Variants in ZNF470 observed in about 807,000 individuals in gnomAD.
ZNF470 encodes chondrogenesis zinc finger protein 1.
ZNF470 carries 13 observed loss-of-function variants against 13.9 expected under a neutral mutation model. That is an observed-to-expected ratio of 0.94 (90% CI 0.61 to 1.49). The LOEUF (loss-of-function observed/expected upper bound fraction) is 1.49. ZNF470 is among the 40% of genes most tolerant of loss of function. The pLI is 0.00. For missense variants in ZNF470, 929 were observed against 857.3 expected (o/e 1.08, Z -1.04); for synonymous variants, 293 against 282.9 (o/e 1.04, Z -0.36).
chr19:56,577,302 A>C lies in ZNF470; in HGVS notation c.873A>C (p.Lys291Asn). ...CTTTTGAATGTACTGAATGTGGGAA[A>C]GCCTTCAGCCAGAATGCTCATCTTG... The part of the protein sequence containing the change: ...EKPFECTECG[K>N]AFSQNAHLVQ... The change falls in exon 6 of 6, where the codon AAA (lysine) becomes AAC (asparagine). Residue 291 changes from lysine (K) to asparagine (N), a missense_variant. Physicochemically the swap from Lys to Asn is moderately conservative, Grantham distance 94 (BLOSUM62 0). Transcript: ENST00000330619. 2 of 1,613,804 alleles carry C rather than the reference A, an allele frequency of 1.2e-6. No individual in the cohort carries two copies. The highest frequency in any genetic ancestry group is 1.7e-6 in the Non-Finnish European group (2 of 1,179,844).
intron 5 of ZNF470, among the ~76,000 whole-genome samples, chr19:56,575,850 A>G (rs2044484921): frequency 6.6e-6 from 1 of 152,146 alleles, no homozygotes; most frequent in African/African-American, 2.4e-5. Flanking sequence ...AATAAGAAAT[A>G]ATGAAAATCA....
At chr19:56,576,418 C>T (rs758168172) in intron 5 of ZNF470, among the ~76,000 whole-genome samples, 22 of 152,060 alleles carry the variant, frequency 1.4e-4, no homozygotes, top group Admixed American at 2.6e-4. Context: ...ACAGCATATC[C>T]GATGATACCA....
chr19:56,567,723 G>C lies in ZNF470; in HGVS notation c.-474G>C, dbSNP rs144338646. 17,372 of 988,304 alleles carry C rather than the reference G, an allele frequency of 0.018. 165 individuals are homozygous for C. The highest frequency in any genetic ancestry group is 0.019 in the Non-Finnish European group (16,177 of 832,222). The allele number at this position is 988,304 out of a possible 1,614,324, so 61.2% of individuals were successfully genotyped here. A position where few individuals can be genotyped will look rare whatever the true frequency, so the allele number is the denominator to read the frequency against. On this transcript the variant is annotated 5_prime_UTR_variant, in exon 1 of 6. Coordinates refer to ENST00000330619, the MANE Select transcript of ZNF470 (RefSeq NM_001001668.4). The stretch of plus-strand genomic sequence containing the variant: ...ATGGCGGCCCGGTGTGTGACTGTCC[G>C]GTGCGTGGCCGCGAATCTGCGCCTG...
In ZNF470 at chr19:56,578,531, G is replaced by C. The variant is rs371732087; in HGVS notation, c.2102G>C (p.Gly701Ala). Residue 701 changes from glycine to alanine, a missense_variant, in exon 6 of 6, where the codon GGA (glycine) becomes GCA (alanine). Coordinates refer to ENST00000330619, the MANE Select transcript of ZNF470 (RefSeq NM_001001668.4). ...GCTCATCATCAGCGAATTCATACCG[G>C]AGAGTCATCAGTTATTCTCTCCTCT... is the stretch of plus-strand genomic sequence containing the variant. Reference protein sequence around the residue: ...HLAHHQRIHTGESSVILSSAL... With the variant: ...HLAHHQRIHTAESSVILSSAL... 3.1e-6 allele frequency: 5 copies of C among 1,590,918 alleles called. No individual in the cohort carries two copies. Among genetic ancestry groups the C allele is most frequent in the Non-Finnish European group, 1.7e-6 (2 of 1,168,698 alleles).
At position 56,578,559 on chromosome 19, in the gene ZNF470, C is replaced by T. The variant is rs2044511595; in HGVS notation, c.2130C>T (p.Ala710=). 2 of 1,552,444 alleles carry T rather than the reference C, an allele frequency of 1.3e-6. No individual in the cohort carries two copies. Among genetic ancestry groups the T allele is most frequent in the South Asian group, 2.5e-5 (2 of 81,150 alleles). The part of the protein sequence containing the change: ...TGESSVILSS[A]LPYHQVL ...AGTCATCAGTTATTCTCTCCTCTGC[C>T]CTCCCATACCACCAAGTCCTATAGA... The change falls in exon 6 of 6, where the codon GCC becomes GCT. Residue 710 remains alanine (A), a synonymous_variant. Transcript: ENST00000330619.
chr19:56,572,020 C>G (rs1241641567), intron 3 of ZNF470, among the ~76,000 whole-genome samples: 2 of 151,742 alleles, frequency 1.3e-5, no homozygotes, highest in African/African-American at 2.4e-5. Flanking sequence ...TAACTTGTTT[C>G]TTAGCGCATT....
Position 56,579,876 on chromosome 19 carries a change from A to G in ZNF470, c.*1293A>G, listed in dbSNP as rs1480672531. 1 of 500,080 alleles carries G rather than the reference A, an allele frequency of 2.0e-6. No homozygotes were observed. Among genetic ancestry groups the G allele is most frequent in the Admixed American group, 6.4e-5 (1 of 15,664 alleles). The allele number at this position is 500,080 out of a possible 1,614,324, so 31.0% of individuals were successfully genotyped here. ...TTTAGTTGAGAAGCTGATTCTGATC[A>G]TCTGTAGAATTTTGATTTTAACGAG... On this transcript the variant is annotated 3_prime_UTR_variant, in exon 6 of 6. Coordinates refer to ENST00000330619, the MANE Select transcript of ZNF470 (RefSeq NM_001001668.4).
In ZNF470 at chr19:56,578,248, T is replaced by A. The variant is rs764698073; in HGVS notation, c.1819T>A (p.Ser607Thr). ...TGGGAAGGCATTCAGGCAGAGGGCATCCTTGATTTGTCATCAGAGATGTCA... is the reference window on the plus strand; with the variant it reads ...TGGGAAGGCATTCAGGCAGAGGGCAACCTTGATTTGTCATCAGAGATGTCA... ...ECGKAFRQRA[S>T]LICHQRCHTG... Residue 607 changes from serine to threonine, a missense_variant, in exon 6 of 6, where the codon TCC (serine) becomes ACC (threonine). Transcript: ENST00000330619. 3 of 1,613,696 alleles carry A rather than the reference T, an allele frequency of 1.9e-6. No individual in the cohort carries two copies. The South Asian group carries it at 3.3e-5, about 18-fold the overall frequency.
At chr19:56,571,495 C>A (rs1463246998) in intron 3 of ZNF470, among the ~76,000 whole-genome samples, 1 of 152,156 alleles carries the variant, frequency 6.6e-6, no homozygotes, top group East Asian at 1.9e-4. Flanking sequence ...TTAAGATAAA[C>A]TGTTAATCTA....
At chr19:56,570,196 C>A in intron 2 of ZNF470, 84 bp from the exon 3 acceptor site, 1 of 931,484 alleles carries the variant, frequency 1.1e-6, no homozygotes, top group Non-Finnish European at 1.7e-6. Context: ...TGAGTGAGGA[C>A]AGAAGAAGCT....
At position 56,581,583 on chromosome 19, in the gene ZNF470, T is replaced by G. The variant is rs772778925; in HGVS notation, c.*3000T>G. Reference sequence around the variant, plus strand: ...TGCAGCTGTTGAAAAAAAATCAATGTGTGTAGTCATAGAAAGATAGCTGTG... The same window carrying G: ...TGCAGCTGTTGAAAAAAAATCAATGGGTGTAGTCATAGAAAGATAGCTGTG... On this transcript the variant is annotated 3_prime_UTR_variant, in exon 6 of 6. Coordinates refer to ENST00000330619, the MANE Select transcript of ZNF470 (RefSeq NM_001001668.4). The G allele has an allele frequency of 6.0e-5, 48 of 796,172 alleles. No homozygotes were observed. The highest frequency in any genetic ancestry group is 7.3e-5 in the Non-Finnish European group (48 of 657,694). 49.3% of individuals were successfully genotyped at this position (796,172 alleles called of 1,614,324 possible). A position where few individuals can be genotyped will look rare whatever the true frequency, so the allele number is the denominator to read the frequency against.
intron 3 of ZNF470, chr19:56,574,045 A>G: frequency 1.4e-6 from 1 of 734,536 alleles, no homozygotes; most frequent in Middle Eastern, 6.9e-4. Context: ...TTCTCCATGT[A>G]GAGAAGTGAT....
Position 56,578,613 on chromosome 19 carries a change from A to G in ZNF470, c.*30A>G, listed in dbSNP as rs1358463786. On this transcript the variant is annotated 3_prime_UTR_variant, in exon 6 of 6. Coordinates refer to ENST00000330619, the MANE Select transcript of ZNF470 (RefSeq NM_001001668.4). ...AATCTCGTAAATGCTTCTAGCATCCATCTGCTTTTTTCCAGCACATGTCCC... is the reference window on the plus strand; with the variant it reads ...AATCTCGTAAATGCTTCTAGCATCCGTCTGCTTTTTTCCAGCACATGTCCC... 2 of 1,466,582 alleles carry G rather than the reference A, an allele frequency of 1.4e-6. No individual in the cohort carries two copies. Among genetic ancestry groups the G allele is most frequent in the South Asian group, 1.6e-5 (1 of 64,470 alleles). The allele number at this position is 1,466,582 out of a possible 1,614,324, so 90.8% of individuals were successfully genotyped here.
intron 3 of ZNF470, among the ~76,000 whole-genome samples, chr19:56,571,137 A>G (rs554245134): frequency 6.0e-4 from 91 of 152,336 alleles, no homozygotes; most frequent in Non-Finnish European, 1.0e-3. Flanking sequence ...GAGTATGCAA[A>G]GGTTTGTTCT....
chr19:56,578,349 G>T lies in ZNF470; in HGVS notation c.1920G>T (p.Gln640His), dbSNP rs2147988165. 2 of 1,612,480 alleles carry T rather than the reference G, an allele frequency of 1.2e-6. No homozygotes were observed. The highest frequency in any genetic ancestry group is 3.3e-4 in the Middle Eastern group (2 of 6,050). The change falls in exon 6 of 6, where the codon CAG (glutamine) becomes CAT (histidine). Residue 640 changes from glutamine to histidine, a missense_variant. By Grantham distance (24) the Gln-to-His change is conservative (BLOSUM62 0). Coordinates refer to ENST00000330619, the MANE Select transcript of ZNF470 (RefSeq NM_001001668.4). ...FSHRKSLTLHQRIHTGEKPYE... is the reference protein window; with the variant it reads ...FSHRKSLTLHHRIHTGEKPYE... ...ATCGTAAATCCCTTACTCTGCATCA[G>T]AGAATTCATACAGGAGAGAAACCTT...
Position 56,580,985 on chromosome 19 carries a change from A to G in ZNF470, c.*2402A>G. 1 of 984,786 alleles carries G rather than the reference A, an allele frequency of 1.0e-6. No individual in the cohort carries two copies. The highest frequency in any genetic ancestry group is 1.2e-6 in the Non-Finnish European group (1 of 829,368). The allele number at this position is 984,786 out of a possible 1,614,324, so 61.0% of individuals were successfully genotyped here. On this transcript the variant is annotated 3_prime_UTR_variant, in exon 6 of 6. Transcript: ENST00000330619. ...AATTAAAGTACATGAAAAACAGAATAATATATATGTACCCTCGGTTTGAAA... is the reference window on the plus strand; with the variant it reads ...AATTAAAGTACATGAAAAACAGAATGATATATATGTACCCTCGGTTTGAAA...
chr19:56,572,340 CAAAAAAAAAAAAAAAA>C (rs564410370), intron 3 of ZNF470, among the ~76,000 whole-genome samples: 4 of 16,408 alleles, frequency 2.4e-4, no homozygotes, highest in East Asian at 3.2e-3. Flanking sequence ...CCTGTCTCTA[CAAAAAAAAAAAAAAAA>C]AAAAAAAAAA....
In ZNF470 at chr19:56,577,122, T is replaced by C. The variant is rs540896632; in HGVS notation, c.693T>C (p.Asn231=). 4.4e-5 allele frequency: 71 copies of C among 1,612,480 alleles called. No homozygotes were observed. In the Admixed American group the frequency reaches 1.0e-3, roughly 23 times the overall value. Residue 231 remains asparagine, a synonymous_variant, in exon 6 of 6, where the codon AAT becomes AAC. Transcript: ENST00000330619. The part of the protein sequence containing the change: ...DRGEKKLLKC[N]DCEKIFSKIS... Reference sequence around the variant, plus strand: ...GAGAAAAGAAACTTTTAAAATGTAATGACTGTGAGAAAATATTCAGCAAAA... The same window carrying C: ...GAGAAAAGAAACTTTTAAAATGTAACGACTGTGAGAAAATATTCAGCAAAA...
chr19:56,570,114 A>T, intron 2 of ZNF470, 166 bp from the exon 3 acceptor site: 3 of 557,558 alleles, frequency 5.4e-6, no homozygotes, highest in Middle Eastern at 4.9e-4. Flanking sequence ...GCAGAGGGGA[A>T]CCCCAGCTAT....
Sources: allele counts gnomAD v4.1 joint callset (sites outside exome capture counted in the v4.1 genomes callset), GRCh38; gene constraint gnomAD v4.1.1; transcripts MANE v1.5; gene names NCBI Gene and HGNC (gene_info 2026-07-23, HGNC 2026-07-21).